The following TTN variants were observed in gnomAD, a reference collection of about 807,000 sequenced individuals.
TTN encodes the protein titin.
Under a neutral mutation model 3,223.0 loss-of-function variants are expected in TTN, and 1,525 were observed. That is an observed-to-expected ratio of 0.47 (90% CI 0.45 to 0.49). The LOEUF (loss-of-function observed/expected upper bound fraction) is 0.49, where lower values mean the gene tolerates loss of function less well. Among genes scored for constraint, TTN ranks in the 20% least tolerant of loss-of-function variants. TTN has a pLI of 0.00. For synonymous variants in TTN, 14,094 were observed against 15,161.0 expected (o/e 0.93, Z 5.17); for missense variants, 40,786 against 43,424.0 (o/e 0.94, Z 5.40).
At chr2:178,683,906 C>CTTT in intron 133 of TTN, 93 bp downstream of exon 133, 1 of 894,318 alleles carries the variant, frequency 1.1e-6, no homozygotes, top group Non-Finnish European at 1.6e-6. Context: ...TATACTATGT[C>CTTT]TTTTTTTTTC....
chr2:178,572,087 C>T lies in TTN; in HGVS notation c.74045G>A (p.Gly24682Asp), dbSNP rs879033144. The T allele has an allele frequency of 6.2e-7, 1 of 1,613,252 alleles. No homozygotes were observed. Among genetic ancestry groups the T allele is most frequent in the Non-Finnish European group, 8.5e-7 (1 of 1,179,552 alleles). Reference protein sequence around the residue: ...TEATITGLIQGEEYSFRVSAQ... With the variant: ...TEATITGLIQDEEYSFRVSAQ... The stretch of plus-strand genomic sequence containing the variant: ...TGAAACACGGAAAGAGTATTCTTCA[C>T]CCTGAATTAATCCAGTGATAGTGGC... Residue 24682 changes from glycine to aspartate, a missense_variant, in exon 326 of 363, where the codon GGT becomes GAT. Transcript: ENST00000589042.
intron 217 of TTN, chr2:178,645,289 G>A (rs1457974602): frequency 6.6e-6 from 1 of 151,922 alleles, no homozygotes; most frequent in Non-Finnish European, 1.5e-5. Context: ...AATAATAAAT[G>A]CTGGATACCA....
rs143679901 is a variant in TTN, at chr2:178,774,429, G to C, written c.6835C>G (p.Pro2279Ala). The C allele has an allele frequency of 4.3e-6, 7 of 1,613,528 alleles. No individual in the cohort carries two copies. The African/African-American group carries it at 6.7e-5, about 15-fold the overall frequency. ...FVKELQDIEV[P>A]ESYSGELECI... Reference sequence around the variant, plus strand: ...TCTAATTCTCCTGAATATGATTCTGGAACTTCTATGTCCTGAAGTTCTTTC... The same window carrying C: ...TCTAATTCTCCTGAATATGATTCTGCAACTTCTATGTCCTGAAGTTCTTTC... Residue 2279 changes from proline (P) to alanine (A), a missense_variant, in exon 30 of 363, where the codon CCA (proline) becomes GCA (alanine). Pro to Ala is a conservative substitution (Grantham distance 27). Coordinates refer to ENST00000589042, the MANE Select transcript of TTN (RefSeq NM_001267550.2).
chr2:178,670,882 G>A (rs2066846766), intron 156 of TTN, among the ~76,000 whole-genome samples: 1 of 151,842 alleles, frequency 6.6e-6, no homozygotes. Flanking sequence ...TGCTTTGGTT[G>A]TTTTAGGTAT....
rs968514546 is a variant in TTN at position 178,714,326 on chromosome 2, C to T, written c.26448G>A (p.Gly8816=). The change falls in exon 91 of 363, where the codon GGG becomes GGA. Residue 8816 remains glycine, a synonymous_variant. Coordinates refer to ENST00000589042, the MANE Select transcript of TTN (RefSeq NM_001267550.2). ...ATAGCGTGGCGAAGCACTCTTGCAT[C>T]CCAGCATCGTTTTTGATCTGACAAG... ...KYTCQIKNDA[G]MQECFATLSV... The T allele has an allele frequency of 6.2e-7, 1 of 1,613,530 alleles. No homozygotes were observed.
intron 47 of TTN, chr2:178,749,606 A>T (rs1367388419): frequency 6.2e-7 from 1 of 1,612,000 alleles, no homozygotes; most frequent in South Asian, 1.1e-5. Flanking sequence ...TTTTCCATAA[A>T]TTTCACCAAT....
rs2077388786 is a variant in TTN at position 178,715,784 on chromosome 2, C to G, written c.25640-10G>C. The G allele has an allele frequency of 5.1e-6, 8 of 1,566,702 alleles. No homozygotes were observed. Among genetic ancestry groups the G allele is most frequent in the Non-Finnish European group, 6.9e-6 (8 of 1,154,232 alleles). Reference sequence around the variant, plus strand: ...ATGAACCTGGGTGGTTCTATGGAACCAAGAGGAAAAACACAGGGTAAGGGA... The same window carrying G: ...ATGAACCTGGGTGGTTCTATGGAACGAAGAGGAAAAACACAGGGTAAGGGA... On this transcript the variant is annotated splice_polypyrimidine_tract_variant and intron_variant, in intron 88 of 362. Transcript: ENST00000589042.
At chr2:178,742,485 C>G (rs1229990121) in intron 47 of TTN, among the ~76,000 whole-genome samples, 1 of 152,052 alleles carries the variant, frequency 6.6e-6, no homozygotes, top group Non-Finnish European at 1.5e-5. Context: ...GAAATGCAGG[C>G]CTTCTTTCAT....
At position 178,536,263 on chromosome 2, in the gene TTN, G is replaced by A; in HGVS notation, c.100484C>T (p.Ala33495Val). ...TCTCAGTTCCTCTTTAAAGTGTGGTGCCTGAATTGGGACATCAGATTTGGG... is the reference window on the plus strand; with the variant it reads ...TCTCAGTTCCTCTTTAAAGTGTGGTACCTGAATTGGGACATCAGATTTGGG... Reference protein sequence around the residue: ...ITPKSDVPIQAPHFKEELRNL... With the variant: ...ITPKSDVPIQVPHFKEELRNL... Residue 33495 changes from alanine (A) to valine (V), a missense_variant, in exon 357 of 363, where the codon GCA becomes GTA. Coordinates refer to ENST00000589042, the MANE Select transcript of TTN (RefSeq NM_001267550.2). 2 of 1,613,558 alleles carry A rather than the reference G, an allele frequency of 1.2e-6. No homozygotes were observed. Among genetic ancestry groups the A allele is most frequent in the Non-Finnish European group, 1.7e-6 (2 of 1,179,692 alleles).
At chr2:178,617,690 T>G (rs2057614267) in intron 253 of TTN, 89 bp downstream of exon 253, 5 of 1,517,012 alleles carry the variant, frequency 3.3e-6, no homozygotes, top group Non-Finnish European at 4.5e-6. Flanking sequence ...ACCTTTTTAT[T>G]AACTTTCATT....
chr2:178,576,523 A>G lies in TTN; in HGVS notation c.69715+6T>C, dbSNP rs1274901056. ...ATGAACGGTGTTGAAAAAGACAAAT[A>G]CTAACATGCTGCATCTTTCATCAGA... is the stretch of plus-strand genomic sequence containing the variant. On this transcript the variant is annotated splice_donor_region_variant and intron_variant, in intron 325 of 362. Transcript: ENST00000589042. The surrounding 1 kb of genome is among the most constrained non-coding windows in gnomAD (Gnocchi z 4.3). The G allele has an allele frequency of 6.2e-7, 1 of 1,611,268 alleles. No homozygotes were observed. The highest frequency in any genetic ancestry group is 1.7e-5 in the Admixed American group (1 of 59,538).
rs1205519093 is a variant in TTN, at chr2:178,722,938, C to G, written c.21962-1G>C. On this transcript the variant is annotated splice_acceptor_variant, in intron 75 of 362. Transcript: ENST00000589042. LOFTEE classifies it high-confidence loss of function. ...AGTTCCGTAACAAAATAAGGCGGTT[C>G]TAAGGAAGAAAGGCTCACAGTTAGC... The G allele has an allele frequency of 1.2e-6, 2 of 1,607,060 alleles. 1 individual carries two copies. Among genetic ancestry groups the G allele is most frequent in the South Asian group, 2.2e-5 (2 of 89,844 alleles).
intron 218 of TTN, among the ~76,000 whole-genome samples, chr2:178,642,623 G>A (rs2061390032): frequency 6.6e-6 from 1 of 151,928 alleles, no homozygotes; most frequent in Non-Finnish European, 1.5e-5. Context: ...CAGGGTTCTT[G>A]ACAGCATCTT....
rs727503564 is a variant in TTN at position 178,574,524 on chromosome 2, C to T, written c.71608G>A (p.Gly23870Ser). 21 of 1,613,408 alleles carry T rather than the reference C, an allele frequency of 1.3e-5. No individual in the cohort carries two copies. Among genetic ancestry groups the T allele is most frequent in the Non-Finnish European group, 1.5e-5 (18 of 1,179,624 alleles). Residue 23870 changes from glycine (G) to serine (S), a missense_variant, in exon 326 of 363, where the codon GGT becomes AGT. Physicochemically the swap from Gly to Ser is moderately conservative, Grantham distance 56. Transcript: ENST00000589042. Reference sequence around the variant, plus strand: ...TTGCTCACAGTCTGCCAGAGAATACCATTTCGTTCTTTTCTTTCAACATGA... The same window carrying T: ...TTGCTCACAGTCTGCCAGAGAATACTATTTCGTTCTTTTCTTTCAACATGA... Reference protein sequence around the residue: ...GYHVERKERNGILWQTVSKAL... With the variant: ...GYHVERKERNSILWQTVSKAL...
At chr2:178,630,983 G>C in intron 237 of TTN, 40 bp from the exon 238 acceptor site, 1 of 1,611,398 alleles carries the variant, frequency 6.2e-7, no homozygotes, top group Non-Finnish European at 8.5e-7. Flanking sequence ...TTAGCCTCTG[G>C]CACAAATAAC....
chr2:178,728,735 C>T lies in TTN; in HGVS notation c.19191G>A (p.Thr6397=), dbSNP rs140495148. 641 of 1,608,252 alleles carry T rather than the reference C, an allele frequency of 4.0e-4. 8 individuals carry two copies. In the East Asian group the frequency reaches 0.01, roughly 26 times the overall value. Residue 6397 remains threonine, a synonymous_variant, in exon 66 of 363, where the codon ACG becomes ACA. Coordinates refer to ENST00000589042, the MANE Select transcript of TTN (RefSeq NM_001267550.2). ...IVEKAKSVDV[T]EKDPMTLECV... ...ATTCCAAGGTCATGGGATCTTTCTC[C>T]GTAACATCAACTGATTTAGCTTTCT... is the stretch of plus-strand genomic sequence containing the variant.
Position 178,621,119 on chromosome 2 carries a change from G to C in TTN, c.45599C>G (p.Ala15200Gly), listed in dbSNP as rs201057307. The part of the protein sequence containing the change: ...VVMVGAARAA[A>G]HLTVIEKLRI... ...AAACTTACCAATGACTGTCAAGTGA[G>C]CTGCTGCTCTGGCGGCCCCTACCAT... is the stretch of plus-strand genomic sequence containing the variant. Residue 15200 changes from alanine to glycine, a missense_variant, in exon 246 of 363, where the codon GCT (alanine) becomes GGT (glycine). Physicochemically the swap from Ala to Gly is moderately conservative, Grantham distance 60. Coordinates refer to ENST00000589042, the MANE Select transcript of TTN (RefSeq NM_001267550.2). The C allele has an allele frequency of 3.4e-4, 551 of 1,612,210 alleles. 1 individual carries two copies. The highest frequency in any genetic ancestry group is 1.2e-3 in the Middle Eastern group (7 of 6,072).
chr2:178,621,229 A>C lies in TTN; in HGVS notation c.45489T>G (p.Asp15163Glu), dbSNP rs755689835. The C allele has an allele frequency of 6.2e-6, 10 of 1,612,186 alleles. No individual in the cohort carries two copies. The African/African-American group carries it at 1.3e-4, about 22-fold the overall frequency. ...TACCATCAGCAATAACGTCATATTT[A>C]TCTCCAGATTCAAGTGTCTTATCAT... is the stretch of plus-strand genomic sequence containing the variant. ...KRDDKTLESG[D>E]KYDVIADGKK... The change falls in exon 246 of 363, where the codon GAT (aspartate) becomes GAG (glutamate). Residue 15163 changes from aspartate to glutamate, a missense_variant. Asp to Glu is a conservative substitution (Grantham distance 45). Transcript: ENST00000589042.
Position 178,624,547 on chromosome 2 carries a change from T to C in TTN, c.44733A>G (p.Ile14911Met), listed in dbSNP as rs751425454. ...VADGRVRKLV[I>M]HDCTPEDIKT... ...TAATATCCTCTGGGGTACAGTCATG[T>C]ATAACAAGTTTTCTGACCCTGCCAT... is the stretch of plus-strand genomic sequence containing the variant. Residue 14911 changes from isoleucine (I) to methionine (M), a missense_variant, in exon 242 of 363, where the codon ATA (isoleucine) becomes ATG (methionine). Ile to Met is a conservative substitution (Grantham distance 10, BLOSUM62 1). Transcript: ENST00000589042. 1.3e-5 allele frequency: 21 copies of C among 1,612,834 alleles called. 1 individual carries two copies. In the South Asian group the frequency reaches 2.3e-4, roughly 18 times the overall value.
Sources: gnomAD v4.1 joint callset for allele counts (sites outside exome capture counted in the v4.1 genomes callset) on GRCh38, gnomAD v4.1.1 for gene constraint, Gnocchi (gnomAD v3.1) non-coding constraint, MANE v1.5 for transcripts, NCBI Gene and HGNC (gene_info 2026-07-23, HGNC 2026-07-21) for gene names.